GSE1: variants seen among roughly 807,000 people sequenced by gnomAD.
GSE1 encodes Gse1 coiled-coil protein.
Under a neutral mutation model 112.6 loss-of-function variants are expected in GSE1, and 32 were observed. That is an observed-to-expected ratio of 0.28 (90% CI 0.21 to 0.38). The LOEUF is 0.38. Ranked by LOEUF, GSE1 falls within the 10% of genes least tolerant of loss-of-function variation. GSE1 has a pLI of 1.00. For missense variants in GSE1, 2,348 were observed against 1,699.2 expected, an observed-to-expected ratio of 1.38 and a Z score of -6.71; for synonymous variants, 1,115 against 735.6, an observed-to-expected ratio of 1.52 and a Z score of -8.35.
chr16:85,624,643 G>T (rs570894757), intron 1 of GSE1, among the ~76,000 whole-genome samples: 5 of 152,218 alleles, frequency 3.3e-5, no homozygotes, highest in Non-Finnish European at 7.3e-5. Context: ...CGGCTCCTGA[G>T]CCTCTACATG....
chr16:85,408,607 T>C (rs1450599418), intron 2 of GSE1, among the ~76,000 whole-genome samples: 1 of 21,176 alleles, frequency 4.7e-5, no homozygotes, highest in Non-Finnish European at 9.3e-5. Context: ...TCCTCACTGT[T>C]ACTCTCAGGC....
At chr16:85,485,362 C>T (rs1214009004) in intron 2 of GSE1, among the ~76,000 whole-genome samples, 4 of 152,102 alleles carry the variant, frequency 2.6e-5, no homozygotes, top group Non-Finnish European at 5.9e-5. Context: ...AGCCGTTGTA[C>T]AGCTACTGTC....
intron 1 of GSE1, among the ~76,000 whole-genome samples, chr16:85,340,630 G>C (rs1172509862): frequency 6.6e-6 from 1 of 152,228 alleles, no homozygotes; most frequent in Non-Finnish European, 1.5e-5. Context: ...GACAGAGCAA[G>C]ACCCTGTCCC....
At chr16:85,446,914 C>T (rs893828769) in intron 2 of GSE1, among the ~76,000 whole-genome samples, 1 of 152,150 alleles carries the variant, frequency 6.6e-6, no homozygotes, top group Non-Finnish European at 1.5e-5. Context: ...ACGGGCACAC[C>T]CTCCTCCTGC....
chr16:85,648,699 C>A lies in GSE1; in HGVS notation c.374C>A (p.Thr125Asn). Residue 125 changes from threonine (T) to asparagine (N), a missense_variant, in exon 3 of 16, where the codon ACC becomes AAC. Physicochemically the swap from Thr to Asn is moderately conservative, Grantham distance 65 (BLOSUM62 0). Transcript: ENST00000253458. ...HSVPSTPPVVTIAPTKTVNGV... is the reference protein window; with the variant it reads ...HSVPSTPPVVNIAPTKTVNGV... Reference sequence around the variant, plus strand: ...GTGCCCAGCACCCCCCCCGTGGTGACCATCGCTCCAACCAAAACCGTGAAT... The same window carrying A: ...GTGCCCAGCACCCCCCCCGTGGTGAACATCGCTCCAACCAAAACCGTGAAT... 1 of 1,608,638 alleles carries A rather than the reference C, an allele frequency of 6.2e-7. No homozygotes were observed. The highest frequency in any genetic ancestry group is 8.5e-7 in the Non-Finnish European group (1 of 1,177,794).
chr16:85,640,651 G>A (rs1042660060), intron 2 of GSE1, among the ~76,000 whole-genome samples: 2 of 152,254 alleles, frequency 1.3e-5, no homozygotes, highest in Admixed American at 1.3e-4. Flanking sequence ...AGCTGCCGTG[G>A]GAATGCTTCC....
chr16:85,225,220 T>G (rs936292570), intron 1 of GSE1, among the ~76,000 whole-genome samples: 3 of 152,030 alleles, frequency 2.0e-5, no homozygotes, highest in African/African-American at 7.3e-5. Flanking sequence ...TACACAAAGC[T>G]GAAGACACAG....
Position 85,666,112 on chromosome 16 carries a change from G to C in GSE1, c.2895G>C (p.Glu965Asp). The C allele has an allele frequency of 5.6e-6, 9 of 1,613,258 alleles. No individual in the cohort carries two copies. The highest frequency in any genetic ancestry group is 7.6e-6 in the Non-Finnish European group (9 of 1,179,952). Residue 965 changes from glutamate to aspartate, a missense_variant, in exon 13 of 16, where the codon GAG becomes GAC. Physicochemically the swap from Glu to Asp is conservative, Grantham distance 45 (BLOSUM62 2). Transcript: ENST00000253458. The stretch of plus-strand genomic sequence containing the variant: ...CCCAGGAGCTGTCGAGAGTCCAGGA[G>C]CTAGCTCCTGCCAGCGGGGAGAAGG... ...VRPQELSRVQ[E>D]LAPASGEKAR...
chr16:85,504,278 A>G (rs1459440599), intron 2 of GSE1, among the ~76,000 whole-genome samples: 1 of 152,230 alleles, frequency 6.6e-6, no homozygotes, highest in Non-Finnish European at 1.5e-5. Flanking sequence ...GAAGGTTTGC[A>G]AAGCCTATTG....
In GSE1 at chr16:85,663,436, G is replaced by A. The variant is rs753102975; in HGVS notation, c.2466G>A (p.Leu822=). Residue 822 remains leucine, a synonymous_variant, in exon 11 of 16, where the codon CTG becomes CTA. Transcript: ENST00000253458. ...AQKRRKRRRM[L]RERSPSPPTI... ...AGCGGAGGAAGCGGCGGAGGATGCTGCGAGAGAGAAGCCCGTCGCCCCCAA... is the reference window on the plus strand; with the variant it reads ...AGCGGAGGAAGCGGCGGAGGATGCTACGAGAGAGAAGCCCGTCGCCCCCAA... The A allele has an allele frequency of 6.2e-7, 1 of 1,613,906 alleles. No individual in the cohort carries two copies. The highest frequency in any genetic ancestry group is 1.7e-5 in the Admixed American group (1 of 60,026).
chr16:85,575,120 T>C (rs917126691), intron 1 of GSE1, among the ~76,000 whole-genome samples: 1 of 151,362 alleles, frequency 6.6e-6, no homozygotes, highest in African/African-American at 2.4e-5. Context: ...CAAAGTTGGA[T>C]ATTTATCACA....
At chr16:85,560,356 C>G (rs777552301) in intron 1 of GSE1, among the ~76,000 whole-genome samples, 1 of 151,988 alleles carries the variant, frequency 6.6e-6, no homozygotes, top group African/African-American at 2.4e-5. Context: ...AGGATGGTCT[C>G]GATCTCTTGA....
At chr16:85,484,512 C>T (rs2050774149) in intron 2 of GSE1, among the ~76,000 whole-genome samples, 1 of 152,228 alleles carries the variant, frequency 6.6e-6, no homozygotes, top group Admixed American at 6.5e-5. Context: ...AGAAGTGGCC[C>T]TTGAGTGACG....
intron 2 of GSE1, among the ~76,000 whole-genome samples, chr16:85,537,158 T>C (rs868657432): frequency 2.0e-5 from 3 of 152,182 alleles, no homozygotes; most frequent in Middle Eastern, 6.8e-3. Context: ...CAGCGTTTGG[T>C]CGGAAGGCAG....
chr16:85,323,421 C>T (rs1175702873), intron 1 of GSE1, among the ~76,000 whole-genome samples: 1 of 152,118 alleles, frequency 6.6e-6, no homozygotes, highest in Non-Finnish European at 1.5e-5. Flanking sequence ...GTTAGAGTCT[C>T]AGGAGGCTGC....
intron 3 of GSE1, among the ~76,000 whole-genome samples, chr16:85,650,903 C>A (rs2051282577): frequency 6.6e-6 from 1 of 152,060 alleles, no homozygotes; most frequent in South Asian, 2.1e-4. Context: ...CCCTCTCTCC[C>A]AGGTGTAGTG....
rs1271533326 is a variant in GSE1, at chr16:85,673,163, A to G, written c.*624A>G. On this transcript the variant is annotated 3_prime_UTR_variant, in exon 16 of 16. Coordinates refer to ENST00000253458, the MANE Select transcript of GSE1 (RefSeq NM_014615.5). Reference sequence around the variant, plus strand: ...TCTTTCTTACCTAAAGATAAAACCAATTCACAAACTGAAGGTAGCTTTTTA... The same window carrying G: ...TCTTTCTTACCTAAAGATAAAACCAGTTCACAAACTGAAGGTAGCTTTTTA... 1.3e-5 allele frequency: 2 copies of G among 152,574 alleles called. No homozygotes were observed. The highest frequency in any genetic ancestry group is 1.5e-5 in the Non-Finnish European group (1 of 68,042). The allele number at this position is 152,574 out of a possible 1,614,324, so 9.5% of individuals were successfully genotyped here.
At chr16:85,289,500 A>G (rs1392906045) in intron 1 of GSE1, among the ~76,000 whole-genome samples, 8 of 152,276 alleles carry the variant, frequency 5.3e-5, no homozygotes, top group African/African-American at 1.9e-4. Context: ...CCTTGTGGAA[A>G]TGCCGTTTCC....
intron 1 of GSE1, among the ~76,000 whole-genome samples, chr16:85,622,557 G>T (rs1459585014): frequency 6.6e-6 from 1 of 152,204 alleles, no homozygotes; most frequent in Non-Finnish European, 1.5e-5. Context: ...TTCGAACTTG[G>T]TAAAACTGTA....
Sources: gnomAD v4.1 joint callset for allele counts (sites outside exome capture counted in the v4.1 genomes callset) on GRCh38, gnomAD v4.1.1 for gene constraint, MANE v1.5 for transcripts, NCBI Gene and HGNC (gene_info 2026-07-23, HGNC 2026-07-21) for gene names.